Variants in COP1 observed in about 807,000 individuals in gnomAD.
COP1 encodes the protein E3 ubiquitin-protein ligase COP1.
A neutral mutation model predicts 101.3 loss-of-function variants in COP1; 24 were observed. The ratio of observed to expected loss-of-function variants is 0.24; its 90% confidence interval spans 0.17 to 0.33. The LOEUF (loss-of-function observed/expected upper bound fraction) is 0.33. Among genes scored for constraint, COP1 ranks in the 10% least tolerant of loss-of-function variants. COP1 has a pLI of 1.00. For missense variants in COP1, 663 were observed against 906.2 expected (o/e 0.73, Z 3.45); for synonymous variants, 347 against 341.9 (o/e 1.01, Z -0.17).
chr1:175,972,023 T>G (rs1653341420), intron 18 of COP1, among the ~76,000 whole-genome samples: 1 of 152,076 alleles, frequency 6.6e-6, no homozygotes, highest in Non-Finnish European at 1.5e-5. Context: ...CACCGGTGGC[T>G]CCAAGATTGG....
intron 18 of COP1, among the ~76,000 whole-genome samples, chr1:175,974,847 A>C (rs1171727668): frequency 6.6e-6 from 1 of 150,744 alleles, no homozygotes; most frequent in Non-Finnish European, 1.5e-5. Flanking sequence ...AGTCTGACCA[A>C]TATGGGTGGT....
chr1:175,986,575 G>T (rs1465309258), intron 18 of COP1, among the ~76,000 whole-genome samples: 2 of 151,912 alleles, frequency 1.3e-5, no homozygotes, highest in African/African-American at 2.4e-5. Flanking sequence ...TAAAATACCA[G>T]CTCAGCTTAA....
intron 14 of COP1, among the ~76,000 whole-genome samples, chr1:176,042,258 G>T: frequency 1.0e-5 from 1 of 99,252 alleles, no homozygotes; most frequent in East Asian, 3.2e-4. Context: ...GCGACACAGC[G>T]AAACTCTATC....
intron 5 of COP1, among the ~76,000 whole-genome samples, chr1:176,150,395 G>C (rs997963416): frequency 6.6e-6 from 1 of 152,166 alleles, no homozygotes; most frequent in Admixed American, 6.6e-5. Context: ...CATGAAGATT[G>C]AAATTTTTTC....
intron 1 of COP1, among the ~76,000 whole-genome samples, chr1:176,205,600 T>TC: frequency 6.6e-6 from 1 of 152,202 alleles, no homozygotes; most frequent in East Asian, 1.9e-4. Context: ...CACTACCACT[T>TC]CTTAAGCAGC....
At chr1:176,007,350 A>T (rs1025992156) in intron 15 of COP1, among the ~76,000 whole-genome samples, 1 of 152,164 alleles carries the variant, frequency 6.6e-6, no homozygotes, top group Non-Finnish European at 1.5e-5. Context: ...AGCTCGTCAA[A>T]GTCATTCTCC....
chr1:176,115,695 G>A (rs1440102522), intron 9 of COP1, among the ~76,000 whole-genome samples: 4 of 148,892 alleles, frequency 2.7e-5, no homozygotes, highest in Non-Finnish European at 4.5e-5. Flanking sequence ...GCAGTGAGCC[G>A]AGATCGTACC....
chr1:176,002,803 G>A (rs1662064603), intron 15 of COP1, among the ~76,000 whole-genome samples: 2 of 150,718 alleles, frequency 1.3e-5, no homozygotes, highest in Admixed American at 6.7e-5. Context: ...TGTGAATAAT[G>A]CCACAATAAA....
At chr1:176,063,594 A>G (rs1675368492) in intron 11 of COP1, among the ~76,000 whole-genome samples, 1 of 152,176 alleles carries the variant, frequency 6.6e-6, no homozygotes, top group African/African-American at 2.4e-5. Flanking sequence ...ATTGATGTGG[A>G]TGGGGAGAAG....
chr1:176,070,037 T>C (rs948489491), intron 11 of COP1, among the ~76,000 whole-genome samples: 21 of 152,184 alleles, frequency 1.4e-4, no homozygotes, highest in African/African-American at 4.8e-4. Flanking sequence ...TCACCTCATC[T>C]CTGTATAACC....
intron 11 of COP1, among the ~76,000 whole-genome samples, chr1:176,072,833 G>T (rs944376665): frequency 6.6e-6 from 1 of 152,124 alleles, no homozygotes; most frequent in African/African-American, 2.4e-5. Flanking sequence ...CATCTAAGGT[G>T]CAGAATTATA....
intron 15 of COP1, among the ~76,000 whole-genome samples, chr1:176,014,086 T>C (rs1665165900): frequency 6.6e-6 from 1 of 152,188 alleles, no homozygotes; most frequent in Non-Finnish European, 1.5e-5. Flanking sequence ...TGGTGGAGAA[T>C]AAAGGGTGCA....
intron 15 of COP1, among the ~76,000 whole-genome samples, chr1:176,007,371 G>C (rs1165603747): frequency 2.0e-5 from 3 of 152,200 alleles, no homozygotes; most frequent in Non-Finnish European, 1.5e-5. Flanking sequence ...ATCCAGCTTT[G>C]TTCCGTTGCT....
At chr1:176,151,337 AGG>A (rs1213118180) in intron 5 of COP1, among the ~76,000 whole-genome samples, 14 of 138,818 alleles carry the variant, frequency 1.0e-4, no homozygotes, top group South Asian at 2.4e-4. Flanking sequence ...GAAAGAAAGA[AGG>A]AAGGAAAGAA....
chr1:175,967,920 T>C (rs1430697450), intron 18 of COP1, among the ~76,000 whole-genome samples: 1 of 151,994 alleles, frequency 6.6e-6, no homozygotes, highest in East Asian at 1.9e-4. Flanking sequence ...TAGCCTAGAG[T>C]GCAATGGCAC....
intron 15 of COP1, among the ~76,000 whole-genome samples, chr1:176,004,530 A>G (rs1177733663): frequency 1.3e-5 from 2 of 151,862 alleles, no homozygotes; most frequent in African/African-American, 4.8e-5. Flanking sequence ...CGTCCCATCA[A>G]TACCTAATTT....
At chr1:176,089,881 G>T (rs1680963864) in intron 9 of COP1, among the ~76,000 whole-genome samples, 1 of 152,166 alleles carries the variant, frequency 6.6e-6, no homozygotes, top group South Asian at 2.1e-4. Flanking sequence ...ATTTTGAAAT[G>T]ATCCTGCAAA....
intron 2 of COP1, among the ~76,000 whole-genome samples, chr1:176,184,136 A>C (rs779351870): frequency 7.2e-5 from 11 of 152,146 alleles, no homozygotes; most frequent in Non-Finnish European, 1.5e-4. Flanking sequence ...TATTATGTAA[A>C]TTTTAAAATT....
intron 18 of COP1, among the ~76,000 whole-genome samples, chr1:175,974,892 C>T (rs1442726528): frequency 3.1e-5 from 4 of 128,240 alleles, no homozygotes; most frequent in Non-Finnish European, 6.2e-5. Flanking sequence ...CACTGCACTA[C>T]AGCCTAGGTG....
Sources: allele counts gnomAD v4.1 joint callset (sites outside exome capture counted in the v4.1 genomes callset), GRCh38; gene constraint gnomAD v4.1.1; transcripts MANE v1.5; gene names NCBI Gene and HGNC (gene_info 2026-07-23, HGNC 2026-07-21).